The following CNBD1 variants were observed in gnomAD, a reference collection of about 807,000 sequenced individuals.
CNBD1 encodes cyclic nucleotide-binding domain-containing protein 1.
Under a neutral mutation model 54.4 loss-of-function variants are expected in CNBD1, and 71 were observed. The observed-to-expected ratio is 1.30, with a 90% confidence interval of 1.08 to 1.59. The LOEUF (loss-of-function observed/expected upper bound fraction) is 1.59, where lower values mean the gene tolerates loss of function less well. Ranked by LOEUF, CNBD1 falls within the 40% of genes most tolerant of loss-of-function variation. CNBD1 has a pLI of 0.00. For missense variants in CNBD1, 659 were observed against 518.0 expected (o/e 1.27, Z -2.64); for synonymous variants, 182 against 170.7 (o/e 1.07, Z -0.51).
intron 8 of CNBD1, among the ~76,000 whole-genome samples, chr8:87,350,778 A>G (rs13249438): frequency 0.57 from 86,148 of 151,830 alleles, 25,970 homozygotes; most frequent in African/African-American, 0.77. Context: ...TTCAGATTTC[A>G]TAACGTAGAA....
intron 5 of CNBD1, among the ~76,000 whole-genome samples, chr8:87,217,986 G>GA (rs1814250023): frequency 6.6e-6 from 1 of 152,050 alleles, no homozygotes; most frequent in Non-Finnish European, 1.5e-5. Context: ...CTTGGAGTCA[G>GA]AAAAAACACC....
At position 87,153,517 on chromosome 8, in the gene CNBD1, A is replaced by C. The variant is rs139489719; in HGVS notation, c.432-52476A>C. 2.8e-3 allele frequency among the ~76,000 whole-genome samples: 419 copies of C among 152,328 alleles called. 4 individuals carry two copies. Among genetic ancestry groups the C allele is most frequent in the African/African-American group, 9.4e-3 (391 of 41,576 alleles). Reference sequence around the variant, plus strand: ...CAAATCGTGGACCAAGGCAATGCAGATCAGAAAAGAAAAGAAAAATCTGCA... The same window carrying C: ...CAAATCGTGGACCAAGGCAATGCAGCTCAGAAAAGAAAAGAAAAATCTGCA... On this transcript the variant is annotated intron_variant, in intron 4 of 10. Transcript: ENST00000518476.
intron 4 of CNBD1, among the ~76,000 whole-genome samples, chr8:87,196,436 G>T (rs1813724217): frequency 6.6e-6 from 1 of 152,102 alleles, no homozygotes; most frequent in Non-Finnish European, 1.5e-5. Flanking sequence ...TTAGTATTAG[G>T]GGTATAGAAA....
intron 4 of CNBD1, among the ~76,000 whole-genome samples, chr8:87,131,865 A>G (rs557703610): frequency 6.6e-6 from 1 of 152,078 alleles, no homozygotes; most frequent in African/African-American, 2.4e-5. Context: ...ACCTCTCTTC[A>G]TTGAAAAAGA....
chr8:87,386,998 G>C (rs550746783), downstream of CNBD1, among the ~76,000 whole-genome samples: 1 of 152,274 alleles, frequency 6.6e-6, no homozygotes, highest in African/African-American at 2.4e-5. Flanking sequence ...TTTATATCCA[G>C]CCAAACTAAG....
intron 3 of CNBD1, among the ~76,000 whole-genome samples, chr8:86,935,612 T>A (rs918052632): frequency 4.6e-5 from 7 of 152,124 alleles, no homozygotes; most frequent in African/African-American, 1.2e-4. Flanking sequence ...TCTGATGTAA[T>A]TTATGTCTGC....
At chr8:87,369,601 T>C (rs946742022) in intron 10 of CNBD1, among the ~76,000 whole-genome samples, 4 of 152,042 alleles carry the variant, frequency 2.6e-5, no homozygotes, top group Non-Finnish European at 5.9e-5. Context: ...ATAGTCTTTT[T>C]CTTTCAGCAC....
At chr8:87,062,527 C>G (rs1810567130) in intron 4 of CNBD1, among the ~76,000 whole-genome samples, 1 of 152,116 alleles carries the variant, frequency 6.6e-6, no homozygotes, top group African/African-American at 2.4e-5. Flanking sequence ...CACCTGAGGT[C>G]AGGAGTTCGA....
intron 4 of CNBD1, among the ~76,000 whole-genome samples, chr8:87,133,722 G>A (rs1812168809): frequency 6.6e-6 from 1 of 150,912 alleles, no homozygotes; most frequent in Admixed American, 6.6e-5. Context: ...ATATTGCACA[G>A]AGAAGTGGAT....
chr8:87,116,195 C>CT (rs71556428), intron 4 of CNBD1, among the ~76,000 whole-genome samples: 2,517 of 74,516 alleles, frequency 0.034, 157 homozygotes, highest in Middle Eastern at 0.051. Flanking sequence ...ATTCTCATGT[C>CT]TTTTTTTTTT....
intron 4 of CNBD1, among the ~76,000 whole-genome samples, chr8:87,081,181 A>T (rs969610942): frequency 6.6e-6 from 1 of 151,686 alleles, no homozygotes; most frequent in Non-Finnish European, 1.5e-5. Flanking sequence ...GCTTCATCCT[A>T]TTGTTTTTGA....
At chr8:87,145,727 A>G (rs899052974) in intron 4 of CNBD1, among the ~76,000 whole-genome samples, 1 of 152,188 alleles carries the variant, frequency 6.6e-6, no homozygotes, top group African/African-American at 2.4e-5. Flanking sequence ...ATATTAACAT[A>G]TCTGCAACAA....
chr8:86,899,332 C>CAA (rs568951399), intron 2 of CNBD1, among the ~76,000 whole-genome samples: 2 of 143,538 alleles, frequency 1.4e-5, no homozygotes, highest in African/African-American at 5.1e-5. Flanking sequence ...GTTCTTGCCA[C>CAA]AAAAAAAAAA....
intron 8 of CNBD1, among the ~76,000 whole-genome samples, chr8:87,297,399 C>T (rs1808899304): frequency 6.6e-6 from 1 of 151,986 alleles, no homozygotes; most frequent in South Asian, 2.1e-4. Context: ...TGGCTAGCGG[C>T]TACCCTATGG....
At chr8:87,104,008 A>G (rs1055757052) in intron 4 of CNBD1, among the ~76,000 whole-genome samples, 2 of 152,166 alleles carry the variant, frequency 1.3e-5, no homozygotes, top group Non-Finnish European at 2.9e-5. Context: ...TTGATGAGAC[A>G]TACTATAGGC....
At chr8:86,903,161 C>A (rs1477082137) in intron 2 of CNBD1, among the ~76,000 whole-genome samples, 1 of 152,012 alleles carries the variant, frequency 6.6e-6, no homozygotes, top group Non-Finnish European at 1.5e-5. Flanking sequence ...CTTTTGGAGA[C>A]CCAGATCATA....
intron 2 of CNBD1, among the ~76,000 whole-genome samples, chr8:87,414,401 T>C (rs1396667043): frequency 1.3e-5 from 2 of 152,016 alleles, no homozygotes; most frequent in Non-Finnish European, 1.5e-5. Context: ...AGGGATAGCA[T>C]TAGGAGATAT....
chr8:87,333,931 C>A (rs531562569), intron 8 of CNBD1, among the ~76,000 whole-genome samples: 1 of 152,000 alleles, frequency 6.6e-6, no homozygotes, highest in Non-Finnish European at 1.5e-5. Context: ...TGAAATAGTT[C>A]CTGAAAGAAT....
chr8:87,416,036 G>T (rs748228089), intron 2 of CNBD1, among the ~76,000 whole-genome samples: 5 of 151,486 alleles, frequency 3.3e-5, no homozygotes, highest in Non-Finnish European at 7.4e-5. Context: ...TTTCAAGGCG[G>T]AAAAAAGCTT....
Sources: gnomAD v4.1 joint callset for allele counts (sites outside exome capture counted in the v4.1 genomes callset) on GRCh38, gnomAD v4.1.1 for gene constraint, MANE v1.5 for transcripts, NCBI Gene and HGNC (gene_info 2026-07-23, HGNC 2026-07-21) for gene names.